Variants in LPP observed in about 807,000 individuals in gnomAD.
LPP encodes lipoma-preferred partner.
Under a neutral mutation model 60.4 loss-of-function variants are expected in LPP, and 38 were observed. That is an observed-to-expected ratio of 0.63 (90% CI 0.49 to 0.83). The LOEUF (loss-of-function observed/expected upper bound fraction) is 0.83, where lower values mean the gene tolerates loss of function less well. LPP is among the 40% of genes least tolerant of loss of function. The pLI is 0.00. For synonymous variants in LPP, 328 were observed against 290.8 expected (o/e 1.13, Z -1.30); for missense variants, 902 against 783.6 (o/e 1.15, Z -1.80).
chr3:188,602,919 C>G (rs1057424065), intron 6 of LPP, among the ~76,000 whole-genome samples: 6 of 151,640 alleles, frequency 4.0e-5, no homozygotes, highest in Non-Finnish European at 8.8e-5. Flanking sequence ...CCTAGTGATA[C>G]TTACATTTGC....
At chr3:188,283,523 C>T (rs1432934895) in intron 2 of LPP, among the ~76,000 whole-genome samples, 2 of 152,190 alleles carry the variant, frequency 1.3e-5, no homozygotes, top group African/African-American at 2.4e-5. Flanking sequence ...ACTTGCGAAA[C>T]ACCTTTTTCT....
At chr3:188,305,349 A>C (rs775172645) in intron 2 of LPP, among the ~76,000 whole-genome samples, 5 of 152,214 alleles carry the variant, frequency 3.3e-5, no homozygotes, top group Non-Finnish European at 5.9e-5. Context: ...CATTGGTAGC[A>C]GGTGTGGATT....
intron 2 of LPP, among the ~76,000 whole-genome samples, chr3:188,294,357 C>G (rs918134168): frequency 6.6e-6 from 1 of 152,138 alleles, no homozygotes; most frequent in African/African-American, 2.4e-5. Context: ...CTCAATAAAC[C>G]TGTTTTAAAA....
chr3:188,432,853 G>C (rs1791264747), intron 4 of LPP, among the ~76,000 whole-genome samples: 2 of 152,102 alleles, frequency 1.3e-5, no homozygotes. Flanking sequence ...GATTGGACAA[G>C]AGCCTCAAGG....
Position 188,609,183 on chromosome 3 carries a change from C to T in LPP, c.452C>T (p.Ser151Phe), listed in dbSNP as rs751951021. 2.5e-6 allele frequency: 4 copies of T among 1,612,042 alleles called. No homozygotes were observed. The highest frequency in any genetic ancestry group is 1.3e-5 in the African/African-American group (1 of 74,770). The change falls in exon 7 of 12, where the codon TCT becomes TTT. Residue 151 changes from serine to phenylalanine, a missense_variant. Coordinates refer to ENST00000617246, the MANE Select transcript of LPP (RefSeq NM_001375462.1). The surrounding 1 kb of genome is among the most constrained non-coding windows in gnomAD (Gnocchi z 6.9). ...PPQSSTGSTA[S>F]PPVSTPVTGH... is the part of the protein sequence containing the mutation. ...TAGAGCTCCACTGGTTCAACAGCCT[C>T]TCCTCCAGTTTCGACCCCAGTCACA...
intron 1 of LPP, among the ~76,000 whole-genome samples, chr3:188,200,668 A>G (rs1430735282): frequency 6.6e-6 from 1 of 152,282 alleles, no homozygotes; most frequent in South Asian, 2.1e-4. Context: ...CTTCCAGATC[A>G]CACACAAGGA....
intron 7 of LPP, among the ~76,000 whole-genome samples, chr3:188,648,503 C>G (rs943880367): frequency 1.3e-5 from 2 of 152,146 alleles, no homozygotes; most frequent in Non-Finnish European, 2.9e-5. Context: ...TTCATGTGTA[C>G]TGCTGCACTC....
chr3:188,182,764 T>A lies in LPP; in HGVS notation c.-190+28512T>A, dbSNP rs148861486. Among the ~76,000 whole-genome samples the A allele has an allele frequency of 1.4e-5, 2 of 140,298 alleles. No homozygotes were observed. Among genetic ancestry groups the A allele is most frequent in the South Asian group, 4.4e-4 (2 of 4,506 alleles). 92.0% of individuals were successfully genotyped at this position (140,298 alleles called of 152,430 possible). A position where few individuals can be genotyped will look rare whatever the true frequency, so the allele number is the denominator to read the frequency against. The stretch of plus-strand genomic sequence containing the variant: ...TATATATACATATATGTACATATAT[T>A]ATATATGTGCATATATAATATATGT... On this transcript the variant is annotated intron_variant, in intron 1 of 11. Transcript: ENST00000617246. This position sits in a 1 kb window ranked among gnomAD's most constrained non-coding sequence, Gnocchi z 4.4.
At chr3:188,274,769 G>A (rs943156485) in intron 2 of LPP, among the ~76,000 whole-genome samples, 5 of 152,188 alleles carry the variant, frequency 3.3e-5, no homozygotes, top group African/African-American at 7.2e-5. Flanking sequence ...CTTGCAGGCC[G>A]CAAGAATTCC....
rs114795323 is a variant in LPP at position 188,485,435 on chromosome 3, G to A, written c.306+731G>A. 9.4e-3 allele frequency among the ~76,000 whole-genome samples: 1,427 copies of A among 152,206 alleles called. 25 individuals carry two copies. Among genetic ancestry groups the A allele is most frequent in the African/African-American group, 0.033 (1,358 of 41,526 alleles). ...TATAGTTTTAGGTGTGACTATGTTCGCATAGATACATTGAAGAAAAAAATG... is the reference window on the plus strand; with the variant it reads ...TATAGTTTTAGGTGTGACTATGTTCACATAGATACATTGAAGAAAAAAATG... On this transcript the variant is annotated intron_variant, in intron 5 of 11. Coordinates refer to ENST00000617246, the MANE Select transcript of LPP (RefSeq NM_001375462.1).
intron 8 of LPP, among the ~76,000 whole-genome samples, chr3:188,754,185 A>G (rs2150372873): frequency 6.6e-6 from 1 of 152,332 alleles, no homozygotes; most frequent in South Asian, 2.1e-4. Flanking sequence ...GCAACCCAAA[A>G]GAAGCCTGTT....
intron 4 of LPP, among the ~76,000 whole-genome samples, chr3:188,433,599 T>TGAGAGA (rs59204304): frequency 0.014 from 1,862 of 137,488 alleles, 44 homozygotes; most frequent in African/African-American, 0.045. Context: ...AGACAGAAAG[T>TGAGAGA]GAGAGAGAGA....
intron 7 of LPP, among the ~76,000 whole-genome samples, chr3:188,622,318 C>G (rs1247754865): frequency 6.6e-6 from 1 of 152,116 alleles, no homozygotes; most frequent in Non-Finnish European, 1.5e-5. Flanking sequence ...ACTCTGTATT[C>G]TCTTCGTGTT....
chr3:188,444,043 T>C (rs1484381142), intron 4 of LPP, among the ~76,000 whole-genome samples: 1 of 152,206 alleles, frequency 6.6e-6, no homozygotes, highest in East Asian at 1.9e-4. Context: ...TCTTTGACTC[T>C]TCCTCAAACC....
chr3:188,646,384 A>T (rs1294308179), intron 7 of LPP, among the ~76,000 whole-genome samples: 1 of 152,202 alleles, frequency 6.6e-6, no homozygotes, highest in Non-Finnish European at 1.5e-5. Context: ...GAACCCTATA[A>T]GCTAGCCCCT....
At chr3:188,427,798 G>C (rs2149110349) in intron 4 of LPP, among the ~76,000 whole-genome samples, 1 of 152,284 alleles carries the variant, frequency 6.6e-6, no homozygotes, top group Middle Eastern at 3.4e-3. Flanking sequence ...ACTTCAGACT[G>C]CTGTGCTGGC....
intron 8 of LPP, among the ~76,000 whole-genome samples, chr3:188,757,060 C>T (rs1454409404): frequency 6.6e-6 from 1 of 152,190 alleles, no homozygotes; most frequent in Non-Finnish European, 1.5e-5. Context: ...AAAATTCCAT[C>T]CTTGAAGGTT....
At chr3:188,866,619 G>C (rs1206228114) in intron 10 of LPP, among the ~76,000 whole-genome samples, 1 of 152,144 alleles carries the variant, frequency 6.6e-6, no homozygotes, top group Non-Finnish European at 1.5e-5. Flanking sequence ...TTGCATCTCT[G>C]GGTAATTCTA....
chr3:188,746,406 G>T (rs888148721), intron 8 of LPP: 3 of 470,882 alleles, frequency 6.4e-6, no homozygotes, highest in South Asian at 1.6e-5. Context: ...TTAGTAGTAT[G>T]GCCACAAATA....
Sources: gnomAD v4.1 joint callset for allele counts (sites outside exome capture counted in the v4.1 genomes callset) on GRCh38, gnomAD v4.1.1 for gene constraint, Gnocchi (gnomAD v3.1) non-coding constraint, MANE v1.5 for transcripts, NCBI Gene and HGNC (gene_info 2026-07-23, HGNC 2026-07-21) for gene names.